The following NALCN variants were observed in gnomAD, a reference collection of about 807,000 sequenced individuals.
NALCN encodes sodium leak channel NALCN.
Under a neutral mutation model 225.3 loss-of-function variants are expected in NALCN, and 111 were observed. That is an observed-to-expected ratio of 0.49 (90% confidence interval 0.42 to 0.58). NALCN has a LOEUF of 0.58. NALCN is among the 20% of genes least tolerant of loss of function. The pLI is 0.00. For missense variants in NALCN, 1,378 were observed against 2,202.4 expected (o/e 0.63, Z 7.49); for synonymous variants, 764 against 769.0 (o/e 0.99, Z 0.11).
chr13:101,236,338 T>C (rs1264675103), intron 12 of NALCN, among the ~76,000 whole-genome samples: 1 of 152,216 alleles, frequency 6.6e-6, no homozygotes, highest in Non-Finnish European at 1.5e-5. Context: ...GTTCAACTCT[T>C]GTGGAAGTCA....
At chr13:101,273,990 A>AAT (rs2042892171) in intron 10 of NALCN, among the ~76,000 whole-genome samples, 2 of 152,034 alleles carry the variant, frequency 1.3e-5, no homozygotes, top group Admixed American at 6.6e-5. Flanking sequence ...ACATTACAGG[A>AAT]CACCATTTCG....
At chr13:101,102,089 C>A (rs1171245365) in intron 26 of NALCN, among the ~76,000 whole-genome samples, 1 of 152,016 alleles carries the variant, frequency 6.6e-6, no homozygotes, top group Non-Finnish European at 1.5e-5. Flanking sequence ...TCAAGGGCAG[C>A]ATGGGTAACA....
At chr13:101,086,531 A>G (rs958551078) in intron 30 of NALCN, among the ~76,000 whole-genome samples, 1 of 151,860 alleles carries the variant, frequency 6.6e-6, no homozygotes, top group Non-Finnish European at 1.5e-5. Flanking sequence ...TACATTATCA[A>G]TTCTTGGGTA....
intron 7 of NALCN, among the ~76,000 whole-genome samples, chr13:101,306,257 T>C (rs1012001286): frequency 1.3e-5 from 2 of 152,194 alleles, no homozygotes; most frequent in African/African-American, 2.4e-5. Context: ...TGAGAGGTGC[T>C]GCATTCCCCA....
At chr13:101,214,635 G>C (rs2040660335) in intron 13 of NALCN, among the ~76,000 whole-genome samples, 1 of 152,004 alleles carries the variant, frequency 6.6e-6, no homozygotes, top group South Asian at 2.1e-4. Context: ...AAACTCCAGG[G>C]ACCAAAAGCT....
intron 6 of NALCN, among the ~76,000 whole-genome samples, chr13:101,366,627 A>AT (rs2046383674): frequency 6.6e-6 from 1 of 152,136 alleles, no homozygotes; most frequent in Non-Finnish European, 1.5e-5. Context: ...TGTATAATAC[A>AT]TTTTTTAAAT....
At chr13:101,280,045 AT>A (rs1356314152) in intron 10 of NALCN, among the ~76,000 whole-genome samples, 3 of 151,944 alleles carry the variant, frequency 2.0e-5, no homozygotes, top group Non-Finnish European at 4.4e-5. Context: ...TCTTCAATAT[AT>A]TTTTACTTAA....
intron 14 of NALCN, among the ~76,000 whole-genome samples, chr13:101,181,728 G>T (rs915112285): frequency 2.6e-5 from 4 of 151,960 alleles, no homozygotes; most frequent in Non-Finnish European, 5.9e-5. Flanking sequence ...GGATGGCAGA[G>T]CAAGTCCCTG....
At chr13:101,377,904 C>T (rs1343763022) in intron 4 of NALCN, among the ~76,000 whole-genome samples, 1 of 152,080 alleles carries the variant, frequency 6.6e-6, no homozygotes, top group African/African-American at 2.4e-5. Flanking sequence ...AATGAATGCA[C>T]AGAAATTAAT....
At position 101,074,513 on chromosome 13, in the gene NALCN, C is replaced by T; in HGVS notation, c.4103+1G>A. On this transcript the variant is annotated splice_donor_variant, in intron 36 of 43. Coordinates refer to ENST00000251127, the MANE Select transcript of NALCN (RefSeq NM_052867.4). LOFTEE classifies it high-confidence loss of function. The stretch of plus-strand genomic sequence containing the variant: ...GAATAGAAAGATAAGTATATACCAA[C>T]CTGTTAATATTCTCCCCATATTTCA... 1 of 1,601,568 alleles carries T rather than the reference C, an allele frequency of 6.2e-7. No individual in the cohort carries two copies. The highest frequency in any genetic ancestry group is 8.5e-7 in the Non-Finnish European group (1 of 1,176,738).
chr13:101,123,572 G>C (rs1004622135), intron 18 of NALCN, among the ~76,000 whole-genome samples: 1 of 152,042 alleles, frequency 6.6e-6, no homozygotes, highest in Non-Finnish European at 1.5e-5. Context: ...CACATTTTGT[G>C]GTGATAATAT....
chr13:101,274,126 C>G (rs2042898212), intron 10 of NALCN, among the ~76,000 whole-genome samples: 1 of 152,134 alleles, frequency 6.6e-6, no homozygotes, highest in Admixed American at 6.6e-5. Flanking sequence ...TGCCATATCT[C>G]AGAGAGTCAA....
intron 7 of NALCN, among the ~76,000 whole-genome samples, chr13:101,325,221 G>A (rs111498582): frequency 5.9e-5 from 9 of 152,298 alleles, no homozygotes; most frequent in African/African-American, 1.9e-4. Flanking sequence ...TCAAACAAGT[G>A]TATAAACAGA....
intron 10 of NALCN, among the ~76,000 whole-genome samples, chr13:101,279,299 TGAAAATGTCAGTGCTTCCTG>T (rs2043068789): frequency 6.6e-6 from 1 of 152,170 alleles, no homozygotes; most frequent in African/African-American, 2.4e-5. Context: ...AAACATTCTG[TGAAAATGTCAGTGCTTCCTG>T]GAGGCAGAAA....
intron 13 of NALCN, among the ~76,000 whole-genome samples, chr13:101,222,618 G>C (rs2140112346): frequency 6.6e-6 from 1 of 152,272 alleles, no homozygotes; most frequent in Non-Finnish European, 1.5e-5. Flanking sequence ...CCATCTAGAA[G>C]AGTGATAGAG....
chr13:101,391,545 A>C (rs1290252388), intron 3 of NALCN, among the ~76,000 whole-genome samples: 1 of 152,040 alleles, frequency 6.6e-6, no homozygotes, highest in Non-Finnish European at 1.5e-5. Flanking sequence ...TCAGCCACAC[A>C]TGGTGGCACA....
intron 7 of NALCN, among the ~76,000 whole-genome samples, chr13:101,324,208 A>T (rs2044859229): frequency 6.6e-6 from 1 of 152,202 alleles, no homozygotes; most frequent in South Asian, 2.1e-4. Context: ...AACACGTCTC[A>T]ACTGGCTTGT....
chr13:101,135,978 T>G (rs1281564176), intron 17 of NALCN, among the ~76,000 whole-genome samples: 1 of 152,216 alleles, frequency 6.6e-6, no homozygotes, highest in East Asian at 1.9e-4. Context: ...TGATTTACTT[T>G]TGACTCTCAA....
chr13:101,222,307 C>T (rs2040971455), intron 13 of NALCN, among the ~76,000 whole-genome samples: 1 of 151,810 alleles, frequency 6.6e-6, no homozygotes. Context: ...AGGCGCTCAC[C>T]CCCATCTCAT....
Sources: allele counts gnomAD v4.1 joint callset (sites outside exome capture counted in the v4.1 genomes callset), GRCh38; gene constraint gnomAD v4.1.1; transcripts MANE v1.5; gene names NCBI Gene and HGNC (gene_info 2026-07-23, HGNC 2026-07-21).